The following SNX6 variants were observed in gnomAD, a reference collection of about 807,000 sequenced individuals.
The protein encoded by SNX6 is sorting nexin 6.
Under a neutral mutation model 63.0 loss-of-function variants are expected in SNX6, and 34 were observed. That is an observed-to-expected ratio of 0.54 (90% CI 0.41 to 0.72). The LOEUF (loss-of-function observed/expected upper bound fraction) is 0.72, where lower values mean the gene tolerates loss of function less well. Among genes scored for constraint, SNX6 ranks in the 30% least tolerant of loss-of-function variants. The probability of loss-of-function intolerance (pLI) is 0.00; values close to 1 mark genes in which losing one functional copy is unlikely to be tolerated. For missense variants in SNX6, 398 were observed against 471.4 expected (o/e 0.84, Z 1.44); for synonymous variants, 170 against 164.2 (o/e 1.04, Z -0.27).
chr14:34,630,002 G>A (rs1484479090), intron 1 of SNX6, 48 bp from the exon 2 acceptor site: 8 of 1,517,936 alleles, frequency 5.3e-6, no homozygotes, highest in Non-Finnish European at 7.0e-6. Context: ...ATGAGATGGG[G>A]GAGACACAAA....
chr14:34,583,847 T>C (rs1594710830), intron 9 of SNX6, among the ~76,000 whole-genome samples: 1 of 84,586 alleles, frequency 1.2e-5, no homozygotes, highest in South Asian at 4.5e-4. Flanking sequence ...TTTGGGAAGG[T>C]GGCTTTTTTT....
chr14:34,579,803 C>T (rs975082119), intron 10 of SNX6, among the ~76,000 whole-genome samples: 26 of 146,394 alleles, frequency 1.8e-4, no homozygotes, highest in Admixed American at 2.8e-4. Context: ...GCCTGGGCAA[C>T]ATAGCAAGAC....
chr14:34,563,111 C>T lies in SNX6; in HGVS notation c.*11G>A, dbSNP rs765117129. 1.7e-5 allele frequency: 28 copies of T among 1,612,658 alleles called. No individual in the cohort carries two copies. The African/African-American group carries it at 2.0e-4, about 12-fold the overall frequency. ...AAGGCAGCCCTTTTTAACAGGAAGGCGGAGTGTGGCTTATGTGTCTCCATT... is the reference window on the plus strand; with the variant it reads ...AAGGCAGCCCTTTTTAACAGGAAGGTGGAGTGTGGCTTATGTGTCTCCATT... On this transcript the variant is annotated 3_prime_UTR_variant, in exon 14 of 14. Coordinates refer to ENST00000362031, the MANE Select transcript of SNX6 (RefSeq NM_152233.4).
intron 11 of SNX6, 88 bp from the exon 12 acceptor site, chr14:34,568,101 A>C: frequency 3.6e-6 from 4 of 1,119,280 alleles, no homozygotes; most frequent in Non-Finnish European, 5.1e-6. Context: ...CACCACAACC[A>C]TCAGAGCTAA....
At chr14:34,582,046 C>A (rs1029050870) in intron 9 of SNX6, among the ~76,000 whole-genome samples, 1 of 151,564 alleles carries the variant, frequency 6.6e-6, no homozygotes, top group African/African-American at 2.4e-5. Context: ...CCAGGATGGT[C>A]TTGATCTCTT....
chr14:34,569,743 C>T (rs1177532537), intron 11 of SNX6, among the ~76,000 whole-genome samples: 8 of 152,214 alleles, frequency 5.3e-5, no homozygotes, highest in Admixed American at 4.6e-4. Flanking sequence ...CTCCTTTCTA[C>T]TGCTGAGTAG....
intron 2 of SNX6, among the ~76,000 whole-genome samples, chr14:34,624,060 T>C (rs183799098): frequency 5.1e-4 from 78 of 152,298 alleles, no homozygotes; most frequent in African/African-American, 1.8e-3. Context: ...TTTTCAACAC[T>C]ATGTATTCTT....
At chr14:34,588,299 G>A (rs939242977) in intron 8 of SNX6, among the ~76,000 whole-genome samples, 6 of 151,782 alleles carry the variant, frequency 4.0e-5, no homozygotes, top group African/African-American at 9.7e-5. Flanking sequence ...GAGTCACTGC[G>A]CCCAGCCAGA....
In SNX6 at chr14:34,590,185, T is replaced by C. The variant is rs569099594; in HGVS notation, c.718+2860A>G. ...GGCTCATGCCTGTAATCCCAGCACTTTGGGAGGCTGAGGTGGGCAGATTAC... is the reference window on the plus strand; with the variant it reads ...GGCTCATGCCTGTAATCCCAGCACTCTGGGAGGCTGAGGTGGGCAGATTAC... On this transcript the variant is annotated intron_variant, in intron 8 of 13. Coordinates refer to ENST00000362031, the MANE Select transcript of SNX6 (RefSeq NM_152233.4). Among the ~76,000 whole-genome samples the C allele has an allele frequency of 2.6e-5, 4 of 151,916 alleles. No individual in the cohort carries two copies. The South Asian group carries it at 8.3e-4, about 32-fold the overall frequency.
Position 34,563,021 on chromosome 14 carries a change from T to G in SNX6, c.*101A>C. 1 of 1,224,834 alleles carries G rather than the reference T, an allele frequency of 8.2e-7. No homozygotes were observed. Among genetic ancestry groups the G allele is most frequent in the South Asian group, 1.3e-5 (1 of 77,826 alleles). The allele number at this position is 1,224,834 out of a possible 1,614,324, so 75.9% of individuals were successfully genotyped here. A position where few individuals can be genotyped will look rare whatever the true frequency, so the allele number is the denominator to read the frequency against. On this transcript the variant is annotated 3_prime_UTR_variant, in exon 14 of 14. Transcript: ENST00000362031. The stretch of plus-strand genomic sequence containing the variant: ...AGTTGATGCACTTTTTCAGCTGCTT[T>G]TTGTTTGTTTCCAGTGAGCATAAAT...
chr14:34,606,249 T>A (rs1328595573), intron 4 of SNX6, among the ~76,000 whole-genome samples: 1 of 146,764 alleles, frequency 6.8e-6, no homozygotes, highest in Non-Finnish European at 1.5e-5. Context: ...CAGGCTGGAG[T>A]AGCTGGGATT....
At chr14:34,588,153 G>A (rs1250786484) in intron 8 of SNX6, among the ~76,000 whole-genome samples, 5 of 151,508 alleles carry the variant, frequency 3.3e-5, no homozygotes, top group African/African-American at 7.3e-5. Context: ...GATTACAGGC[G>A]CCCGCCACCA....
At position 34,568,929 on chromosome 14, in the gene SNX6, G is replaced by A; in HGVS notation, c.922-916C>T. On this transcript the variant is annotated intron_variant, in intron 11 of 13. Coordinates refer to ENST00000362031, the MANE Select transcript of SNX6 (RefSeq NM_152233.4). ...TGGAGCCAACCCCAGCGCCACCCCA[G>A]AGGTACAGGTGCCACGCTGTGGAAG... 3.0e-6 allele frequency: 4 copies of A among 1,316,052 alleles called. No homozygotes were observed. In the South Asian group the frequency reaches 4.7e-5, roughly 15 times the overall value. 81.5% of individuals were successfully genotyped at this position (1,316,052 alleles called of 1,614,324 possible).
chr14:34,622,795 T>C (rs894395604), intron 2 of SNX6, among the ~76,000 whole-genome samples: 4 of 152,154 alleles, frequency 2.6e-5, no homozygotes, highest in South Asian at 2.1e-4. Flanking sequence ...GATTGCCTAT[T>C]TGACCACAGC....
intron 8 of SNX6, among the ~76,000 whole-genome samples, chr14:34,590,431 A>T (rs1254526160): frequency 7.6e-6 from 1 of 131,120 alleles, no homozygotes; most frequent in African/African-American, 3.5e-5. Context: ...ACTTCGTCTC[A>T]AAAAAAAAAA....
At position 34,580,150 on chromosome 14, in the gene SNX6, G is replaced by C. The variant is rs118139031; in HGVS notation, c.834+1411C>G. ...GCCGAGATCGTGCCACTGCACTCCA[G>C]CCTCCGGCCTGGGTGAAAGAGCAAG... On this transcript the variant is annotated intron_variant, in intron 10 of 13. Transcript: ENST00000362031. Among the ~76,000 whole-genome samples, 4 of 152,278 alleles carry C rather than the reference G, an allele frequency of 2.6e-5. No homozygotes were observed. In the East Asian group the frequency reaches 7.7e-4, roughly 29 times the overall value.
At chr14:34,568,986 G>C (rs1385356594) in intron 11 of SNX6, 9 of 1,454,052 alleles carry the variant, frequency 6.2e-6, no homozygotes, top group Admixed American at 5.0e-5. Flanking sequence ...TCTCATCGTA[G>C]GGAGCAAGCT....
At chr14:34,605,202 G>C (rs1414951635) in intron 5 of SNX6, among the ~76,000 whole-genome samples, 1 of 151,714 alleles carries the variant, frequency 6.6e-6, no homozygotes, top group African/African-American at 2.4e-5. Flanking sequence ...AACTAGGTTG[G>C]TAGTGACTAA....
rs769375415 is a variant in SNX6 at position 34,609,724 on chromosome 14, C to A, written c.73G>T (p.Asp25Tyr). Residue 25 changes from aspartate to tyrosine, a missense_variant, in exon 3 of 14, where the codon GAT becomes TAT. Coordinates refer to ENST00000362031, the MANE Select transcript of SNX6 (RefSeq NM_152233.4). ...EDRGLKAINV[D>Y]LQSDAALQVD... ...TGCAGAGCAGCATCACTTTGAAGAT[C>A]TACATTTATTGCTTTAAGCTAGAAA... 3.1e-6 allele frequency: 5 copies of A among 1,610,466 alleles called. No individual in the cohort carries two copies. The Admixed American group carries it at 6.7e-5, about 22-fold the overall frequency.
Sources: allele counts gnomAD v4.1 joint callset (sites outside exome capture counted in the v4.1 genomes callset), GRCh38; gene constraint gnomAD v4.1.1; transcripts MANE v1.5; gene names NCBI Gene and HGNC (gene_info 2026-07-23, HGNC 2026-07-21).